The following TNS3 variants were observed in gnomAD, a reference collection of about 807,000 sequenced individuals.
TNS3 encodes the protein tensin-3.
In TNS3, 45 loss-of-function variants were observed where a neutral mutation model predicts 140.9. The ratio of observed to expected loss-of-function variants is 0.32; its 90% CI spans 0.25 to 0.41. The LOEUF (loss-of-function observed/expected upper bound fraction) is 0.41. Among genes scored for constraint, TNS3 ranks in the 10% least tolerant of loss-of-function variants. TNS3 has a pLI of 1.00. For synonymous variants in TNS3, 815 were observed against 788.4 expected (o/e 1.03, Z -0.56); for missense variants, 1,716 against 1,906.7 (o/e 0.90, Z 1.86).
At chr7:47,560,358 G>A (rs773340134) in intron 1 of TNS3, among the ~76,000 whole-genome samples, 1 of 152,108 alleles carries the variant, frequency 6.6e-6, no homozygotes, top group African/African-American at 2.4e-5. Context: ...TGGACTTCCA[G>A]CCTCCAGAAC....
At position 47,413,896 on chromosome 7, in the gene TNS3, C is replaced by A. The variant is rs373712427; in HGVS notation, c.647+41G>T. ...GGTCAGCTGCAGTTCCCTGAGCCGT[C>A]CAGGTCCCACAACAGCAGCAGCAGC... On this transcript the variant is annotated intron_variant, in intron 12 of 30. Transcript: ENST00000311160. 4,448 of 1,612,234 alleles carry A rather than the reference C, an allele frequency of 2.8e-3. 10 individuals are homozygous for A. The highest frequency in any genetic ancestry group is 3.3e-3 in the Non-Finnish European group (3,839 of 1,179,466).
chr7:47,378,958 C>A (rs889297778), intron 16 of TNS3, among the ~76,000 whole-genome samples: 6 of 152,154 alleles, frequency 3.9e-5, no homozygotes, highest in African/African-American at 1.4e-4. Flanking sequence ...GTGGAACAGC[C>A]AGTGGGGGTT....
intron 4 of TNS3, among the ~76,000 whole-genome samples, chr7:47,462,124 TA>T (rs1796515219): frequency 6.6e-6 from 1 of 152,218 alleles, no homozygotes; most frequent in African/African-American, 2.4e-5. Context: ...AGTTAACTGA[TA>T]CTTCAGTTCA....
intron 4 of TNS3, among the ~76,000 whole-genome samples, chr7:47,447,697 C>T (rs916245754): frequency 6.6e-6 from 1 of 152,180 alleles, no homozygotes; most frequent in Non-Finnish European, 1.5e-5. Flanking sequence ...CGCCATCCTG[C>T]AGTGCGCTAT....
intron 6 of TNS3, among the ~76,000 whole-genome samples, chr7:47,438,924 C>T (rs534044886): frequency 6.6e-6 from 1 of 152,122 alleles, no homozygotes; most frequent in African/African-American, 2.4e-5. Flanking sequence ...TCCACCTGGG[C>T]TACCAACCAT....
chr7:47,389,002 G>GGAA lies in TNS3; in HGVS notation c.1024+7795_1024+7797dup, dbSNP rs1175410885. Among the ~76,000 whole-genome samples the GGAA allele has an allele frequency of 6.8e-3, 45 of 6,608 alleles. 1 individual carries two copies. The highest frequency in any genetic ancestry group is 7.3e-3 in the African/African-American group (36 of 4,930). 4.3% of individuals were successfully genotyped at this position (6,608 alleles called of 152,430 possible). On this transcript the variant is annotated intron_variant, in intron 16 of 30. Transcript: ENST00000311160. ...AGCAGCAGAGGAAGAAGAAGAAGAA[G>GGAA]GAAGAAGAAGAAGAAGAAGAAGAAG...
At chr7:47,547,158 G>A (rs1799943709) in intron 1 of TNS3, among the ~76,000 whole-genome samples, 1 of 152,216 alleles carries the variant, frequency 6.6e-6, no homozygotes, top group Non-Finnish European at 1.5e-5. Context: ...CCAGGGTGAG[G>A]AGGGAGGGAG....
chr7:47,499,408 A>G (rs1798129326), intron 3 of TNS3, among the ~76,000 whole-genome samples: 1 of 152,230 alleles, frequency 6.6e-6, no homozygotes, highest in Admixed American at 6.5e-5. Context: ...AGGATGCTTC[A>G]TGGTTCTTCT....
intron 1 of TNS3, among the ~76,000 whole-genome samples, chr7:47,566,895 G>A (rs1391611184): frequency 6.6e-6 from 1 of 151,946 alleles, no homozygotes; most frequent in African/African-American, 2.4e-5. Flanking sequence ...CAGAAAATCA[G>A]CTGGACGTGG....
intron 17 of TNS3, among the ~76,000 whole-genome samples, chr7:47,364,899 A>T (rs1790603924): frequency 1.3e-5 from 2 of 152,206 alleles, no homozygotes; most frequent in Non-Finnish European, 2.9e-5. Context: ...GGAGACTGGT[A>T]ACCAGTTTTG....
Position 47,318,344 on chromosome 7 carries a change from C to T in TNS3, c.2651-13341G>A, listed in dbSNP as rs150202973. Among the ~76,000 whole-genome samples, 223 of 152,318 alleles carry T rather than the reference C, an allele frequency of 1.5e-3. 2 individuals carry two copies. The highest frequency in any genetic ancestry group is 4.8e-3 in the African/African-American group (201 of 41,578). ...ATCCATTCAGCTGTCCCTGGACACTCGATAGCTTTCACCCTTTGACTTTGC... is the reference window on the plus strand; with the variant it reads ...ATCCATTCAGCTGTCCCTGGACACTTGATAGCTTTCACCCTTTGACTTTGC... On this transcript the variant is annotated intron_variant, in intron 20 of 30. Transcript: ENST00000311160.
chr7:47,503,699 CCTAT>C (rs1320151226), intron 3 of TNS3, among the ~76,000 whole-genome samples: 2 of 152,106 alleles, frequency 1.3e-5, no homozygotes, highest in African/African-American at 2.4e-5. Context: ...AGGCTCAGGG[CCTAT>C]CTAAGTCCAT....
At chr7:47,371,433 G>A (rs896982320) in intron 16 of TNS3, among the ~76,000 whole-genome samples, 5 of 152,160 alleles carry the variant, frequency 3.3e-5, no homozygotes, top group Non-Finnish European at 4.4e-5. Flanking sequence ...GTGGAGGTGG[G>A]CCTAGAACCC....
At chr7:47,551,409 G>A (rs1800058280) in intron 1 of TNS3, among the ~76,000 whole-genome samples, 1 of 152,224 alleles carries the variant, frequency 6.6e-6, no homozygotes, top group Non-Finnish European at 1.5e-5. Context: ...CGGAGGAGGT[G>A]GGTGAGGGCA....
intron 15 of TNS3, among the ~76,000 whole-genome samples, chr7:47,398,925 A>C (rs12374754): frequency 0.052 from 7,867 of 152,198 alleles, 245 homozygotes; most frequent in Non-Finnish European, 0.061. Context: ...CTAGAAAACA[A>C]TAAAAACTCC....
chr7:47,481,264 T>A (rs922911790), intron 3 of TNS3, 123 bp from the exon 4 acceptor site: 6 of 682,696 alleles, frequency 8.8e-6, no homozygotes, highest in Non-Finnish European at 1.4e-5. Flanking sequence ...GCTACAAAGC[T>A]GTAGCAGATC....
chr7:47,524,675 G>A (rs963621593), intron 2 of TNS3, among the ~76,000 whole-genome samples: 9 of 149,754 alleles, frequency 6.0e-5, no homozygotes, highest in African/African-American at 2.0e-4. Flanking sequence ...GGTGGCGGGC[G>A]CCTGTAGTCC....
chr7:47,580,704 G>A (rs1272241382), intron 1 of TNS3, among the ~76,000 whole-genome samples: 1 of 151,586 alleles, frequency 6.6e-6, no homozygotes, highest in Non-Finnish European at 1.5e-5. Flanking sequence ...CCCAAAGAGA[G>A]AAGAACCAGA....
chr7:47,400,381 C>G lies in TNS3; in HGVS notation c.919+12G>C. On this transcript the variant is annotated intron_variant, in intron 15 of 30. Coordinates refer to ENST00000311160, the MANE Select transcript of TNS3 (RefSeq NM_022748.12). ...CAGCAAGGACCACCCAGTATTCCAC[C>G]AAGCTACCCACCTTGAATCTTCTCA... 6.2e-7 allele frequency: 1 copy of G among 1,613,808 alleles called. No homozygotes were observed.
Sources: gnomAD v4.1 joint callset for allele counts (sites outside exome capture counted in the v4.1 genomes callset) on GRCh38, gnomAD v4.1.1 for gene constraint, MANE v1.5 for transcripts, NCBI Gene and HGNC (gene_info 2026-07-23, HGNC 2026-07-21) for gene names.